MGAT5: variants seen among roughly 807,000 people sequenced by gnomAD.
MGAT5 encodes the protein alpha-1,6-mannosylglycoprotein 6-beta-N-acetylglucosaminyltransferase, also known as alpha-1,6-mannosylglycoprotein 6-beta-N-acetylglucosaminyltransferase A.
MGAT5 carries 30 observed loss-of-function variants against 94.3 expected under a neutral mutation model. The observed-to-expected ratio is 0.32, with a 90% CI of 0.24 to 0.43. MGAT5 has a LOEUF of 0.43. Ranked by LOEUF, MGAT5 falls within the 20% of genes least tolerant of loss-of-function variation. The probability of loss-of-function intolerance (pLI) is 1.00; values close to 1 mark genes in which losing one functional copy is unlikely to be tolerated. For missense variants in MGAT5, 691 were observed against 905.5 expected (o/e 0.76, Z 3.04); for synonymous variants, 310 against 322.9 (o/e 0.96, Z 0.43).
intron 1 of MGAT5, among the ~76,000 whole-genome samples, chr2:134,128,247 A>C (rs1685945866): frequency 6.6e-6 from 1 of 152,024 alleles, no homozygotes; most frequent in African/African-American, 2.4e-5. Context: ...GAGAGAATGA[A>C]AGAAAAGAAA....
At chr2:134,350,009 T>G in intron 9 of MGAT5, 71 bp downstream of exon 9, 1 of 1,563,446 alleles carries the variant, frequency 6.4e-7, no homozygotes, top group Non-Finnish European at 8.8e-7. Flanking sequence ...AGCCGCCATC[T>G]ATTTTGGGTT....
At chr2:134,402,103 A>G (rs1291503293) in intron 10 of MGAT5, among the ~76,000 whole-genome samples, 1 of 152,248 alleles carries the variant, frequency 6.6e-6, no homozygotes, top group African/African-American at 2.4e-5. Context: ...ACAACTGGAA[A>G]ACATTACAGA....
chr2:134,288,737 A>G (rs1444712019), intron 2 of MGAT5, among the ~76,000 whole-genome samples: 6 of 152,124 alleles, frequency 3.9e-5, no homozygotes, highest in Non-Finnish European at 7.3e-5. Flanking sequence ...CTGTCAGCCT[A>G]TCTTCCTGTG....
rs1178721601 is a variant in MGAT5 at position 134,449,773 on chromosome 2, G to A, written c.*926G>A. 2 of 152,264 alleles carry A rather than the reference G, an allele frequency of 1.3e-5. No homozygotes were observed. Among genetic ancestry groups the A allele is most frequent in the African/African-American group, 4.8e-5 (2 of 41,462 alleles). The allele number at this position is 152,264 out of a possible 1,614,324, so 9.4% of individuals were successfully genotyped here. On this transcript the variant is annotated 3_prime_UTR_variant, in exon 16 of 16. Transcript: ENST00000281923. ...AAGACTCACGCTGTTCATGGACTTG[G>A]AGAGGATTATCTTTGAGCCAAGATT... is the stretch of plus-strand genomic sequence containing the variant.
chr2:134,160,334 C>T (rs891551919), intron 1 of MGAT5, among the ~76,000 whole-genome samples: 6 of 152,088 alleles, frequency 3.9e-5, no homozygotes, highest in East Asian at 3.8e-4. Flanking sequence ...CCACCAGGCC[C>T]GGCTAATTTT....
chr2:134,423,900 G>A (rs1365755717), intron 13 of MGAT5, among the ~76,000 whole-genome samples: 1 of 152,220 alleles, frequency 6.6e-6, no homozygotes, highest in Non-Finnish European at 1.5e-5. Flanking sequence ...GCAACATGAA[G>A]TCAGGATATA....
rs1167660901 is a variant in MGAT5 at position 134,225,077 on chromosome 2, CAAAAA to C, written c.-142-29164_-142-29160del. Among the ~76,000 whole-genome samples, 430 of 68,230 alleles carry C rather than the reference CAAAAA, an allele frequency of 6.3e-3. 3 individuals are homozygous for C. The East Asian group carries it at 0.13, about 21-fold the overall frequency. 44.8% of individuals were successfully genotyped at this position (68,230 alleles called of 152,430 possible). A position where few individuals can be genotyped will look rare whatever the true frequency, so the allele number is the denominator to read the frequency against. On this transcript the variant is annotated intron_variant, in intron 1 of 16. Coordinates refer to the MGAT5 transcript ENST00000409645. ...GGTGACAGAGTGAGACCCTGTCTCACAAAAAAAAAAAAAAAAAAAAAAAAATGCGG... is the reference window on the plus strand; with the variant it reads ...GGTGACAGAGTGAGACCCTGTCTCACAAAAAAAAAAAAAAAAAAAATGCGG...
intron 4 of MGAT5, among the ~76,000 whole-genome samples, chr2:134,330,856 T>G (rs778479057): frequency 6.6e-6 from 1 of 152,122 alleles, no homozygotes; most frequent in Non-Finnish European, 1.5e-5. Context: ...TACTTCACAT[T>G]AATCATGAAA....
At chr2:134,147,509 AAAAATATTGCCATAATT>A (rs1263955229) in intron 1 of MGAT5, among the ~76,000 whole-genome samples, 2 of 152,132 alleles carry the variant, frequency 1.3e-5, no homozygotes, top group African/African-American at 4.8e-5. Flanking sequence ...GTTGTACTTG[AAAAATATTGCCATAATT>A]AAAATATACA....
chr2:134,188,567 T>C (rs988386114), intron 1 of MGAT5, among the ~76,000 whole-genome samples: 6 of 152,250 alleles, frequency 3.9e-5, no homozygotes, highest in Non-Finnish European at 8.8e-5. Flanking sequence ...AGAAGATTGT[T>C]GGTCATTAAC....
chr2:134,126,372 G>T (rs997590914), intron 1 of MGAT5, among the ~76,000 whole-genome samples: 12 of 152,134 alleles, frequency 7.9e-5, no homozygotes, highest in Non-Finnish European at 1.8e-4. Context: ...AAGTAAGAGG[G>T]GATTGAATGC....
upstream of MGAT5, among the ~76,000 whole-genome samples, chr2:134,252,040 C>T (rs1682637746): frequency 6.6e-6 from 1 of 152,108 alleles, no homozygotes; most frequent in Non-Finnish European, 1.5e-5. Flanking sequence ...CGGGTATATC[C>T]CTGTTGCTGC....
rs1222139248 is a variant in MGAT5, at chr2:134,405,059, A to T, written c.1530+1922A>T. On this transcript the variant is annotated intron_variant, in intron 11 of 15. Coordinates refer to ENST00000281923, the MANE Select transcript of MGAT5 (RefSeq NM_002410.5). Reference sequence around the variant, plus strand: ...TGTCTCACACACTTTTATTAACCCAACCTCATGAATGTCTCTCTCAGCTTC... The same window carrying T: ...TGTCTCACACACTTTTATTAACCCATCCTCATGAATGTCTCTCTCAGCTTC... Among the ~76,000 whole-genome samples, 6 of 152,286 alleles carry T rather than the reference A, an allele frequency of 3.9e-5. 1 individual carries two copies. In the South Asian group the frequency reaches 1.0e-3, roughly 26 times the overall value.
Position 134,254,587 on chromosome 2 carries a change from G to A in MGAT5, c.184G>A (p.Ala62Thr). The A allele has an allele frequency of 6.2e-7, 1 of 1,614,210 alleles. No individual in the cohort carries two copies. The highest frequency in any genetic ancestry group is 8.5e-7 in the Non-Finnish European group (1 of 1,180,034). ...DLSKRYIKAL[A>T]EENRNVVDGP... ...CAGCAAAAGGTACATCAAGGCACTG[G>A]CAGAAGAAAACAGGAATGTGGTGGA... Residue 62 changes from alanine to threonine, a missense_variant, in exon 1 of 16, where the codon GCA becomes ACA. This residue lies in a region of MGAT5 where 307 missense variants were observed against 335.4 expected (regional missense o/e 0.92). Transcript: ENST00000281923.
At chr2:134,216,665 C>T (rs559951363) in intron 1 of MGAT5, among the ~76,000 whole-genome samples, 2 of 152,298 alleles carry the variant, frequency 1.3e-5, no homozygotes, top group East Asian at 3.9e-4. Flanking sequence ...GTTCCTGAGA[C>T]AGTTCACACC....
At chr2:134,247,861 C>T (rs1682372887) in intron 1 of MGAT5, among the ~76,000 whole-genome samples, 2 of 152,186 alleles carry the variant, frequency 1.3e-5, no homozygotes, top group African/African-American at 4.8e-5. Context: ...TCAGTTCCTC[C>T]TTGTCACCCT....
rs1250101123 is a variant in MGAT5, at chr2:134,430,657, C to T, written c.1869+2218C>T. Among the ~76,000 whole-genome samples, 3 of 152,142 alleles carry T rather than the reference C, an allele frequency of 2.0e-5. No homozygotes were observed. The East Asian group carries it at 5.8e-4, about 29-fold the overall frequency. ...GCTGGAAAGCATGCTAATAAAACTG[C>T]ACCGCCCCCCACCCCCACCATATAG... On this transcript the variant is annotated intron_variant, in intron 14 of 15. Transcript: ENST00000281923.
chr2:134,261,959 C>T (rs1683365480), intron 1 of MGAT5, among the ~76,000 whole-genome samples: 1 of 152,164 alleles, frequency 6.6e-6, no homozygotes, highest in Non-Finnish European at 1.5e-5. Context: ...CTCCAAGTAG[C>T]TCTTATGCAT....
chr2:134,183,444 G>A (rs957679185), intron 1 of MGAT5, among the ~76,000 whole-genome samples: 5 of 152,206 alleles, frequency 3.3e-5, no homozygotes, highest in African/African-American at 1.2e-4. Context: ...AGTGAGCTGG[G>A]TACACTGTAT....
Sources: gnomAD v4.1 joint callset for allele counts (sites outside exome capture counted in the v4.1 genomes callset) on GRCh38, gnomAD v4.1.1 for gene constraint, gnomAD v4.1.1 regional missense constraint, MANE v1.5 for transcripts, NCBI Gene and HGNC (gene_info 2026-07-23, HGNC 2026-07-21) for gene names.